The following PTGER2 variants were observed in gnomAD, a reference collection of about 807,000 sequenced individuals.
PTGER2 encodes the protein prostaglandin E2 receptor EP2 subtype.
PTGER2 carries 22 observed loss-of-function variants against 26.2 expected under a neutral mutation model. That is an observed-to-expected ratio of 0.84 (90% CI 0.60 to 1.20). The LOEUF (loss-of-function observed/expected upper bound fraction) is 1.20. Among genes scored for constraint, PTGER2 ranks in the 50% most tolerant of loss-of-function variants. The pLI, the probability that PTGER2 is intolerant of heterozygous loss-of-function variation, is 0.00. For missense variants in PTGER2, 458 were observed against 475.2 expected (o/e 0.96, Z 0.34); for synonymous variants, 219 against 208.9 (o/e 1.05, Z -0.42).
Position 52,314,912 on chromosome 14 carries a change from G to T in PTGER2, c.364G>T (p.Ala122Ser). Residue 122 changes from alanine (A) to serine (S), a missense_variant, in exon 1 of 2, where the codon GCC becomes TCC. Physicochemically the swap from Ala to Ser is moderately conservative, Grantham distance 99 (BLOSUM62 1). Transcript: ENST00000245457. The surrounding 1 kb of genome is among the most constrained non-coding windows in gnomAD (Gnocchi z 5.7). ...FAFAMTFFSL[A>S]TMLMLFAMAL... ...TTTCGCCATGACCTTCTTCAGCCTG[G>T]CCACGATGCTCATGCTCTTCGCCAT... The T allele has an allele frequency of 6.2e-7, 1 of 1,612,700 alleles. No individual in the cohort carries two copies. The highest frequency in any genetic ancestry group is 8.5e-7 in the Non-Finnish European group (1 of 1,179,712).
chr14:52,314,422 A>AG lies in PTGER2; in HGVS notation c.-122dup, dbSNP rs1302619298. 2.7e-6 allele frequency: 3 copies of AG among 1,129,786 alleles called. No individual in the cohort carries two copies. In the Admixed American group the frequency reaches 1.0e-4, roughly 39 times the overall value. The allele number at this position is 1,129,786 out of a possible 1,614,324, so 70.0% of individuals were successfully genotyped here. ...CGCCGTCGGCGCGCTGGGTGCGGGA[A>AG]GGGGGCTCTGGATTTCGGTCCCTCC... On this transcript the variant is annotated 5_prime_UTR_variant, in exon 1 of 2. It introduces an in-frame stop codon into an upstream open reading frame of the 5' UTR. Transcript: ENST00000245457. This position sits in a 1 kb window ranked among gnomAD's most constrained non-coding sequence, Gnocchi z 5.7.
In PTGER2 at chr14:52,327,697, G is replaced by T; in HGVS notation, c.*243G>T. 2.4e-6 allele frequency: 1 copy of T among 420,568 alleles called. No individual in the cohort carries two copies. The highest frequency in any genetic ancestry group is 4.0e-5 in the Admixed American group (1 of 24,942). The allele number at this position is 420,568 out of a possible 1,614,324, so 26.1% of individuals were successfully genotyped here. A position where few individuals can be genotyped will look rare whatever the true frequency, so the allele number is the denominator to read the frequency against. ...GTACTTGGCCTTTGGAGGAACAATC[G>T]GCTGCATTGAAGATCCAGCTGCCTA... On this transcript the variant is annotated 3_prime_UTR_variant, in exon 2 of 2. Transcript: ENST00000245457.
intron 1 of PTGER2, among the ~76,000 whole-genome samples, chr14:52,324,871 G>T (rs1266872250): frequency 6.6e-6 from 1 of 152,164 alleles, no homozygotes; most frequent in East Asian, 1.9e-4. Flanking sequence ...GGGCGCAGTG[G>T]CTCACACCTG....
At chr14:52,321,312 G>C (rs2033893343) in intron 1 of PTGER2, among the ~76,000 whole-genome samples, 1 of 152,060 alleles carries the variant, frequency 6.6e-6, no homozygotes, top group Non-Finnish European at 1.5e-5. Flanking sequence ...GGACACCTTA[G>C]TGTCTTTCAG....
chr14:52,326,381 TGTCTGCATTTGTAAAA>T (rs1451817419), intron 1 of PTGER2, among the ~76,000 whole-genome samples: 1 of 152,230 alleles, frequency 6.6e-6, no homozygotes, highest in Non-Finnish European at 1.5e-5. Flanking sequence ...TATACCCCAG[TGTCTGCATTTGTAAAA>T]TGGATATAAT....
chr14:52,315,609 T>C (rs930056239), intron 1 of PTGER2, among the ~76,000 whole-genome samples: 2 of 152,122 alleles, frequency 1.3e-5, no homozygotes, highest in African/African-American at 2.4e-5. Flanking sequence ...GAGTTTCTTA[T>C]ACAATAATAC....
At position 52,315,043 on chromosome 14, in the gene PTGER2, G is replaced by A. The variant is rs1203870530; in HGVS notation, c.495G>A (p.Leu165=). The change falls in exon 1 of 2, where the codon CTG becomes CTA. Residue 165 remains leucine, a synonymous_variant. Coordinates refer to ENST00000245457, the MANE Select transcript of PTGER2 (RefSeq NM_000956.4). ...AVLPVIYAVS[L]LFCSLPLLDY... ...TGCCTGTCATCTATGCAGTCTCCCT[G>A]CTCTTCTGCTCGCTGCCGCTGCTGG... 4.3e-6 allele frequency: 7 copies of A among 1,612,946 alleles called. No homozygotes were observed. The highest frequency in any genetic ancestry group is 5.1e-6 in the Non-Finnish European group (6 of 1,179,984).
chr14:52,327,656 A>T lies in PTGER2; in HGVS notation c.*202A>T. On this transcript the variant is annotated 3_prime_UTR_variant, in exon 2 of 2. Coordinates refer to ENST00000245457, the MANE Select transcript of PTGER2 (RefSeq NM_000956.4). The stretch of plus-strand genomic sequence containing the variant: ...AGTGTCAGAAGGAGCTACAAAACCT[A>T]CCCTCAGTGAGCATGGTACTTGGCC... 1 of 533,976 alleles carries T rather than the reference A, an allele frequency of 1.9e-6. No individual in the cohort carries two copies. Among genetic ancestry groups the T allele is most frequent in the Admixed American group, 3.5e-5 (1 of 28,600 alleles). The allele number at this position is 533,976 out of a possible 1,614,324, so 33.1% of individuals were successfully genotyped here.
chr14:52,320,724 A>T (rs905442836), intron 1 of PTGER2, among the ~76,000 whole-genome samples: 18 of 152,176 alleles, frequency 1.2e-4, no homozygotes, highest in Non-Finnish European at 2.6e-4. Flanking sequence ...ATCAAGGTGT[A>T]CCAAGCTCCA....
At chr14:52,325,544 T>G (rs1274914997) in intron 1 of PTGER2, among the ~76,000 whole-genome samples, 1 of 152,218 alleles carries the variant, frequency 6.6e-6, no homozygotes, top group Admixed American at 6.5e-5. Flanking sequence ...AATATGTGTT[T>G]TAATCTGTAG....
At position 52,314,765 on chromosome 14, in the gene PTGER2, G is replaced by A. The variant is rs371082222; in HGVS notation, c.217G>A (p.Glu73Lys). ...SLSLFHVLVT[E>K]LVFTDLLGTC... ...CTCCTTGTTCCACGTGCTGGTGACC[G>A]AGCTGGTGTTCACCGACCTGCTCGG... Residue 73 changes from glutamate to lysine, a missense_variant, in exon 1 of 2, where the codon GAG (glutamate) becomes AAG (lysine). Glu to Lys is a moderately conservative substitution (Grantham distance 56). Transcript: ENST00000245457. The surrounding 1 kb of genome is among the most constrained non-coding windows in gnomAD (Gnocchi z 5.7). 6.2e-5 allele frequency: 100 copies of A among 1,605,048 alleles called. No homozygotes were observed. Among genetic ancestry groups the A allele is most frequent in the African/African-American group, 8.0e-5 (6 of 74,724 alleles).
In PTGER2 at chr14:52,315,130, C is replaced by A; in HGVS notation, c.582C>A (p.Thr194=). The part of the protein sequence containing the change: ...GTWCFIRHGR[T]AYLQLYATLL... Reference sequence around the variant, plus strand: ...GGTGCTTCATCCGGCACGGGCGGACCGCTTACCTGCAGCTGTACGCCACCC... The same window carrying A: ...GGTGCTTCATCCGGCACGGGCGGACAGCTTACCTGCAGCTGTACGCCACCC... The change falls in exon 1 of 2, where the codon ACC becomes ACA. Residue 194 remains threonine, a synonymous_variant. Coordinates refer to ENST00000245457, the MANE Select transcript of PTGER2 (RefSeq NM_000956.4). 1 of 1,609,422 alleles carries A rather than the reference C, an allele frequency of 6.2e-7. No individual in the cohort carries two copies. Among genetic ancestry groups the A allele is most frequent in the Non-Finnish European group, 8.5e-7 (1 of 1,179,948 alleles).
chr14:52,327,145 G>A lies in PTGER2; in HGVS notation c.844-76G>A, dbSNP rs2033958472. The A allele has an allele frequency of 8.3e-6, 9 of 1,090,290 alleles. 1 individual carries two copies. Among genetic ancestry groups the A allele is most frequent in the South Asian group, 3.1e-5 (2 of 64,438 alleles). The allele number at this position is 1,090,290 out of a possible 1,614,324, so 67.5% of individuals were successfully genotyped here. Reference sequence around the variant, plus strand: ...ACATGGTTTTGCTTTTAAATCTCAAGACATAACATAGGGTCTAAGCCTGTC... The same window carrying A: ...ACATGGTTTTGCTTTTAAATCTCAAAACATAACATAGGGTCTAAGCCTGTC... On this transcript the variant is annotated intron_variant, in intron 1 of 1. Coordinates refer to ENST00000245457, the MANE Select transcript of PTGER2 (RefSeq NM_000956.4).
chr14:52,325,096 G>T (rs748033070), intron 1 of PTGER2, among the ~76,000 whole-genome samples: 3 of 151,904 alleles, frequency 2.0e-5, no homozygotes, highest in African/African-American at 7.3e-5. Flanking sequence ...TGGAGATCAC[G>T]CCACTGCACT....
chr14:52,321,558 A>G (rs543748418), intron 1 of PTGER2, among the ~76,000 whole-genome samples: 4 of 152,348 alleles, frequency 2.6e-5, no homozygotes, highest in South Asian at 2.1e-4. Flanking sequence ...TTTACATTAC[A>G]GGCTTTTTAT....
chr14:52,315,450 C>T, intron 1 of PTGER2, 59 bp downstream of exon 1: 2 of 1,590,314 alleles, frequency 1.3e-6, no homozygotes, highest in Non-Finnish European at 1.7e-6. Flanking sequence ...ATGCTCTCCC[C>T]TGACGCCTCC....
At chr14:52,320,595 C>A (rs1291950945) in intron 1 of PTGER2, among the ~76,000 whole-genome samples, 1 of 152,172 alleles carries the variant, frequency 6.6e-6, no homozygotes, top group African/African-American at 2.4e-5. Context: ...AGGCTTAAGA[C>A]CCAGTTCATC....
In PTGER2 at chr14:52,314,479, C is replaced by T; in HGVS notation, c.-70C>T. ...TCCTCTGAGTCTCGGAACGCTCCGG[C>T]TCTCAGACCCTCTTCCTCCCAGGTA... On this transcript the variant is annotated 5_prime_UTR_variant, in exon 1 of 2. Coordinates refer to ENST00000245457, the MANE Select transcript of PTGER2 (RefSeq NM_000956.4). This position sits in a 1 kb window ranked among gnomAD's most constrained non-coding sequence, Gnocchi z 5.7. The T allele has an allele frequency of 1.4e-6, 2 of 1,388,418 alleles. No individual in the cohort carries two copies. The highest frequency in any genetic ancestry group is 1.9e-6 in the Non-Finnish European group (2 of 1,065,812). The allele number at this position is 1,388,418 out of a possible 1,614,324, so 86.0% of individuals were successfully genotyped here. A position where few individuals can be genotyped will look rare whatever the true frequency, so the allele number is the denominator to read the frequency against.
At chr14:52,324,363 C>G (rs2140039596) in intron 1 of PTGER2, among the ~76,000 whole-genome samples, 1 of 152,304 alleles carries the variant, frequency 6.6e-6, no homozygotes, top group East Asian at 1.9e-4. Context: ...TCAGCAGGCT[C>G]TAAGCTATAG....
Sources: allele counts gnomAD v4.1 joint callset (sites outside exome capture counted in the v4.1 genomes callset), GRCh38; gene constraint gnomAD v4.1.1; non-coding constraint Gnocchi (gnomAD v3.1); transcripts MANE v1.5; gene names NCBI Gene and HGNC (gene_info 2026-07-23, HGNC 2026-07-21).